The following NRK variants were observed in gnomAD, a reference collection of about 807,000 sequenced individuals.
NRK encodes nik-related protein kinase.
NRK carries 67 observed loss-of-function variants against 125.2 expected under a neutral mutation model. The observed-to-expected ratio is 0.54, with a 90% confidence interval of 0.44 to 0.66. NRK has a LOEUF of 0.66. Ranked by LOEUF, NRK falls within the 30% of genes least tolerant of loss-of-function variation. NRK has a pLI of 0.00. For missense variants in NRK, 1,224 were observed against 1,192.9 expected (o/e 1.03, Z -0.38); for synonymous variants, 458 against 429.0 (o/e 1.07, Z -0.84).
At chrX:105,946,894 A>T (rs2040820197) in intron 26 of NRK, among the ~76,000 whole-genome samples, 1 of 111,817 alleles carries the variant, frequency 8.9e-6, no homozygotes. Context: ...TATTTATAAT[A>T]ACTGACCATA....
chrX:105,919,055 A>G (rs59909538), intron 16 of NRK, among the ~76,000 whole-genome samples: 5,981 of 106,462 alleles, frequency 0.056, 515 homozygotes, highest in African/African-American at 0.2. Flanking sequence ...GAAGATGGGG[A>G]CACAAATTTT....
intron 2 of NRK, among the ~76,000 whole-genome samples, chrX:105,846,316 G>A (rs2039401002): frequency 9.0e-6 from 1 of 111,284 alleles, no homozygotes; most frequent in Non-Finnish European, 1.9e-5. Flanking sequence ...TTTATCTGTG[G>A]TACTGAGAAA....
chrX:105,885,350 G>A (rs2039930557), intron 4 of NRK, among the ~76,000 whole-genome samples: 1 of 111,727 alleles, frequency 9.0e-6, no homozygotes, highest in African/African-American at 3.3e-5. Flanking sequence ...TTCACCGTTG[G>A]TTGTGTCATT....
chrX:105,822,501 C>T (rs749891591), upstream of NRK: 4 of 289,952 alleles, frequency 1.4e-5, no homozygotes, highest in East Asian at 2.9e-4. Flanking sequence ...TTGCACCGCC[C>T]CCCTCCCCAC....
chrX:105,872,235 A>G (rs1196921363), intron 2 of NRK, among the ~76,000 whole-genome samples: 5 of 111,379 alleles, frequency 4.5e-5, no homozygotes, highest in Non-Finnish European at 9.4e-5. Context: ...ACTGTCCCTC[A>G]ATCTAATGTA....
At chrX:105,825,463 T>C (rs1328129658) in intron 1 of NRK, among the ~76,000 whole-genome samples, 1 of 112,161 alleles carries the variant, frequency 8.9e-6, no homozygotes, top group East Asian at 2.8e-4. Context: ...TAAATAAATA[T>C]GACTCTAGTT....
intron 19 of NRK, among the ~76,000 whole-genome samples, chrX:105,931,145 G>A (rs375737182): frequency 2.7e-5 from 3 of 112,619 alleles, no homozygotes; most frequent in Admixed American, 9.4e-5. Context: ...AGTTGGCTTC[G>A]CCAATGTGCA....
At chrX:105,870,723 G>A (rs2039735152) in intron 2 of NRK, among the ~76,000 whole-genome samples, 1 of 111,704 alleles carries the variant, frequency 9.0e-6, no homozygotes, top group Admixed American at 9.5e-5. Flanking sequence ...AGTCAAAGCT[G>A]CTGTATAAGC....
At chrX:105,866,932 GA>G (rs2039679971) in intron 2 of NRK, among the ~76,000 whole-genome samples, 1 of 110,539 alleles carries the variant, frequency 9.0e-6, no homozygotes, top group Admixed American at 9.7e-5. Flanking sequence ...GGTAGCCCTA[GA>G]TTTTCTATCA....
At chrX:105,918,711 G>A (rs2040397196) in intron 16 of NRK, among the ~76,000 whole-genome samples, 2 of 110,698 alleles carry the variant, frequency 1.8e-5, no homozygotes, top group Middle Eastern at 4.7e-3. Flanking sequence ...TATTCATGTG[G>A]CATCTTTGAA....
chrX:105,868,692 A>G (rs946315364), intron 2 of NRK, among the ~76,000 whole-genome samples: 6 of 108,367 alleles, frequency 5.5e-5, no homozygotes, highest in African/African-American at 2.0e-4. Flanking sequence ...GGCTATATCC[A>G]CCATACTTTC....
chrX:105,887,580 C>T (rs2147716777), intron 4 of NRK, among the ~76,000 whole-genome samples: 1 of 112,006 alleles, frequency 8.9e-6, no homozygotes, highest in Non-Finnish European at 1.9e-5. Flanking sequence ...AAGCATTATT[C>T]ATAATAGCTA....
intron 7 of NRK, 102 bp downstream of exon 7, chrX:105,895,625 C>T: frequency 1.8e-6 from 1 of 549,622 alleles, no homozygotes; most frequent in Non-Finnish European, 2.9e-6. Context: ...ATATCCTCTA[C>T]TTATTTGAGC....
At chrX:105,898,737 TG>T in intron 8 of NRK, 23 bp downstream of exon 8, 1 of 1,106,000 alleles carries the variant, frequency 9.0e-7, no homozygotes, top group Non-Finnish European at 1.2e-6. Context: ...ATTCAGCCAG[TG>T]GAAATTACAA....
rs756954207 is a variant in NRK, at chrX:105,925,566, G to T, written c.3312+535G>T. The stretch of plus-strand genomic sequence containing the variant: ...GAACTTATATCTCCTATCTAGTCAT[G>T]CATTTGGATCCTTTAACCAGCCTTT... On this transcript the variant is annotated intron_variant, in intron 19 of 28. Coordinates refer to ENST00000243300, the MANE Select transcript of NRK (RefSeq NM_198465.4). 1.2e-3 allele frequency among the ~76,000 whole-genome samples: 136 copies of T among 110,736 alleles called. 2 individuals carry two copies. Among genetic ancestry groups the T allele is most frequent in the African/African-American group, 4.3e-3 (132 of 30,607 alleles).
At position 105,909,090 on chromosome X, in the gene NRK, A is replaced by C; in HGVS notation, c.1449A>C (p.Ala483=). The C allele has an allele frequency of 8.3e-7, 1 of 1,211,302 alleles. No individual in the cohort carries two copies. The highest frequency in any genetic ancestry group is 1.1e-6 in the Non-Finnish European group (1 of 894,936). ...CCAGGGTGCTCATGCCACTACAGGC[A>C]CAGGTTAGGGCACCTAGGCTTCTGC... ...RAARVLMPLQ[A]QVRAPRLLQV... Residue 483 remains alanine, a synonymous_variant, in exon 13 of 29, where the codon GCA becomes GCC. Transcript: ENST00000243300.
At chrX:105,835,405 A>G (rs767302720) in intron 2 of NRK, among the ~76,000 whole-genome samples, 3 of 110,457 alleles carry the variant, frequency 2.7e-5, no homozygotes, top group East Asian at 5.7e-4. Flanking sequence ...CCCTCCCCTA[A>G]TGGTATACTG....
At chrX:105,894,265 CAT>C (rs2040052739) in intron 6 of NRK, among the ~76,000 whole-genome samples, 2 of 112,006 alleles carry the variant, frequency 1.8e-5, no homozygotes. Flanking sequence ...TAAACAAAAA[CAT>C]AGCACAAGCA....
In NRK at chrX:105,922,034, T is replaced by C; in HGVS notation, c.2583T>C (p.Ile861=). 1 of 1,150,346 alleles carries C rather than the reference T, an allele frequency of 8.7e-7. No individual in the cohort carries two copies. The highest frequency in any genetic ancestry group is 1.2e-6 in the Non-Finnish European group (1 of 841,932). 94.8% of individuals were successfully genotyped at this position (1,150,346 alleles called of 1,213,427 possible). ...RSQSSPPYST[I]DQKLLVDIHV... Reference sequence around the variant, plus strand: ...AGTCATCACCACCTTATTCTACTATTGATCAGAAGTTGCTGGTTGACATCC... The same window carrying C: ...AGTCATCACCACCTTATTCTACTATCGATCAGAAGTTGCTGGTTGACATCC... The change falls in exon 17 of 29, where the codon ATT becomes ATC. Residue 861 remains isoleucine, a synonymous_variant. Coordinates refer to ENST00000243300, the MANE Select transcript of NRK (RefSeq NM_198465.4).
Sources: gnomAD v4.1 joint callset for allele counts (sites outside exome capture counted in the v4.1 genomes callset) on GRCh38, gnomAD v4.1.1 for gene constraint, MANE v1.5 for transcripts, NCBI Gene and HGNC (gene_info 2026-07-23, HGNC 2026-07-21) for gene names.